Variants in TENM3 observed in about 807,000 individuals in gnomAD.
The protein encoded by TENM3 is teneurin transmembrane protein 3.
Under a neutral mutation model 255.1 loss-of-function variants are expected in TENM3, and 63 were observed. The observed-to-expected ratio is 0.25, with a 90% confidence interval of 0.20 to 0.30. The LOEUF (loss-of-function observed/expected upper bound fraction) is 0.30, where lower values mean the gene tolerates loss of function less well. TENM3 is among the 10% of genes least tolerant of loss of function. The pLI, the probability that TENM3 is intolerant of heterozygous loss-of-function variation, is 1.00. For synonymous variants in TENM3, 1,306 were observed against 1,322.3 expected (o/e 0.99, Z 0.27); for missense variants, 2,929 against 3,461.1 (o/e 0.85, Z 3.86).
At chr4:182,762,295 C>G (rs889604459) in intron 22 of TENM3, among the ~76,000 whole-genome samples, 10 of 152,180 alleles carry the variant, frequency 6.6e-5, no homozygotes, top group African/African-American at 2.4e-4. Context: ...CCACAAGTGT[C>G]CAGTTTCCTC....
chr4:182,483,209 T>C (rs1306657952), intron 3 of TENM3, among the ~76,000 whole-genome samples: 1 of 152,194 alleles, frequency 6.6e-6, no homozygotes, highest in East Asian at 1.9e-4. Context: ...ACTAACAACA[T>C]TGTGTTTGTC....
chr4:182,763,724 G>A (rs1435773826), intron 22 of TENM3, among the ~76,000 whole-genome samples: 4 of 152,210 alleles, frequency 2.6e-5, no homozygotes, highest in Non-Finnish European at 5.9e-5. Context: ...GGAGCAGAAT[G>A]TGAGTGTCTA....
At chr4:181,957,926 G>A in the TENM3 span, among the ~76,000 whole-genome samples, 2 of 152,106 alleles carry the variant, frequency 1.3e-5, no homozygotes, top group African/African-American at 4.8e-5. Context: ...TTTCTGGAAT[G>A]CTTACAAAAT....
chr4:182,651,466 G>A (rs1307571435), intron 5 of TENM3, among the ~76,000 whole-genome samples: 1 of 152,118 alleles, frequency 6.6e-6, no homozygotes, highest in African/African-American at 2.4e-5. Context: ...CGAGGCATGC[G>A]GATTGCCTGA....
the TENM3 span, among the ~76,000 whole-genome samples, chr4:181,581,755 C>T: frequency 4.1e-5 from 6 of 147,940 alleles, no homozygotes; most frequent in African/African-American, 1.5e-4. Context: ...TAATTTGCGA[C>T]GGAGTCTCCC....
At chr4:182,292,726 C>T (rs1393527475) in intron 1 of TENM3, among the ~76,000 whole-genome samples, 2 of 152,072 alleles carry the variant, frequency 1.3e-5, no homozygotes, top group Non-Finnish European at 2.9e-5. Context: ...CGCTCTCTGC[C>T]CTTAAAGAAC....
intron 6 of TENM3, among the ~76,000 whole-genome samples, chr4:182,654,618 G>A (rs984882308): frequency 6.6e-6 from 1 of 151,950 alleles, no homozygotes; most frequent in Non-Finnish European, 1.5e-5. Flanking sequence ...TGATGAAGAC[G>A]CCTTTTTCTG....
At chr4:182,293,032 A>G (rs1157227096) in intron 1 of TENM3, among the ~76,000 whole-genome samples, 1 of 152,158 alleles carries the variant, frequency 6.6e-6, no homozygotes, top group Admixed American at 6.5e-5. Context: ...GCCTTCACTG[A>G]TTGCTTCCGT....
the TENM3 span, among the ~76,000 whole-genome samples, chr4:181,568,185 CAG>C: frequency 8.2e-6 from 1 of 122,092 alleles, no homozygotes; most frequent in Admixed American, 9.0e-5. Flanking sequence ...TTTTTTTTGA[CAG>C]AGTTTGTCTT....
the TENM3 span, among the ~76,000 whole-genome samples, chr4:182,005,710 G>A: frequency 1.3e-5 from 2 of 152,144 alleles, no homozygotes; most frequent in South Asian, 4.1e-4. Context: ...AGGATGGAAT[G>A]TTTTTCCATA....
intron 3 of TENM3, among the ~76,000 whole-genome samples, chr4:182,562,911 A>G (rs1451726126): frequency 6.6e-6 from 1 of 152,178 alleles, no homozygotes; most frequent in African/African-American, 2.4e-5. Flanking sequence ...TGCCAGCCTC[A>G]TTGTTTCTAG....
the TENM3 span, among the ~76,000 whole-genome samples, chr4:182,103,538 G>C: frequency 6.6e-6 from 1 of 152,166 alleles, no homozygotes; most frequent in Non-Finnish European, 1.5e-5. Context: ...ACAATTCATG[G>C]CTCACCTACA....
chr4:181,473,035 A>G, the TENM3 span, among the ~76,000 whole-genome samples: 1 of 152,234 alleles, frequency 6.6e-6, no homozygotes, highest in Non-Finnish European at 1.5e-5. Flanking sequence ...CTTCCATCAG[A>G]CACAAAATGA....
chr4:182,241,501 C>A (rs540046133), upstream of TENM3, among the ~76,000 whole-genome samples: 203 of 145,220 alleles, frequency 1.4e-3, no homozygotes, highest in Non-Finnish European at 2.2e-3. Flanking sequence ...GCTTCCTTTT[C>A]CCTTTCTTTT....
chr4:182,258,256 T>C (rs1188765361), intron 1 of TENM3, among the ~76,000 whole-genome samples: 1 of 152,182 alleles, frequency 6.6e-6, no homozygotes, highest in Non-Finnish European at 1.5e-5. Flanking sequence ...AATTTAGTGG[T>C]AAACAAATTT....
chr4:182,159,447 AGTGTGTGTGTGTGT>A (rs67981646), intron 1 of TENM3, among the ~76,000 whole-genome samples: 47,039 of 130,588 alleles, frequency 0.36, 8,770 homozygotes, highest in Middle Eastern at 0.48. Context: ...AGTGTGTATG[AGTGTGTGTGTGTGT>A]GTGTGTGTGT....
intron 3 of TENM3, among the ~76,000 whole-genome samples, chr4:182,455,517 TCA>T (rs1296127394): frequency 6.7e-6 from 1 of 149,464 alleles, no homozygotes; most frequent in Non-Finnish European, 1.5e-5. Flanking sequence ...TCCTTGCATC[TCA>T]CAGAGTTTCC....
intron 3 of TENM3, among the ~76,000 whole-genome samples, chr4:182,519,477 C>T (rs2151769732): frequency 6.6e-6 from 1 of 152,230 alleles, no homozygotes; most frequent in South Asian, 2.1e-4. Context: ...TTTTCTTTCC[C>T]TCTCCACAGT....
intron 14 of TENM3, among the ~76,000 whole-genome samples, chr4:182,729,510 CTT>C (rs35672153): frequency 1.4e-5 from 2 of 145,728 alleles, no homozygotes. Flanking sequence ...CAGAAGTGCA[CTT>C]TTTTTTTTTT....
Sources: gnomAD v4.1 joint callset for allele counts (sites outside exome capture counted in the v4.1 genomes callset) on GRCh38, gnomAD v4.1.1 for gene constraint, MANE v1.5 for transcripts, NCBI Gene and HGNC (gene_info 2026-07-23, HGNC 2026-07-21) for gene names.